The following PRH1 variants were observed in gnomAD, a reference collection of about 807,000 sequenced individuals.
The protein encoded by PRH1 is salivary acidic proline-rich phosphoprotein 1/2.
A neutral mutation model predicts 7.9 loss-of-function variants in PRH1; 7 were observed. The observed-to-expected ratio is 0.89, with a 90% CI of 0.50 to 1.67. The LOEUF (loss-of-function observed/expected upper bound fraction) is 1.67. PRH1 is among the 40% of genes most tolerant of loss of function. The pLI, the probability that PRH1 is intolerant of heterozygous loss-of-function variation, is 0.00. For missense variants in PRH1, 109 were observed against 223.6 expected (o/e 0.49, Z 3.27); for synonymous variants, 45 against 80.8 (o/e 0.56, Z 2.38).
chr12:11,070,045 G>A (rs1368617657), intron 1 of PRH1, among the ~76,000 whole-genome samples: 1 of 152,158 alleles, frequency 6.6e-6, no homozygotes, highest in East Asian at 1.9e-4. Flanking sequence ...TCAGGCATGA[G>A]TGGGGCAGAA....
At position 11,069,339 on chromosome 12, in the gene PRH1, T is replaced by A. The variant is rs1943961257; in HGVS notation, n.124-22151A>T. Among the ~76,000 whole-genome samples the A allele has an allele frequency of 2.0e-5, 3 of 152,262 alleles. No individual in the cohort carries two copies. In the South Asian group the frequency reaches 6.2e-4, roughly 32 times the overall value. On this transcript the variant is annotated intron_variant and non_coding_transcript_variant, in intron 1 of 4. Coordinates refer to the PRH1 transcript ENST00000541977. ...ATGGATAATCACCCTTACGCTTGTCTGTTAACTGATTTGGCTACATTGTCA... is the reference window on the plus strand; with the variant it reads ...ATGGATAATCACCCTTACGCTTGTCAGTTAACTGATTTGGCTACATTGTCA...
upstream of PRH1, among the ~76,000 whole-genome samples, chr12:10,884,876 A>C (rs547281776): frequency 2.6e-5 from 4 of 152,242 alleles, no homozygotes; most frequent in East Asian, 7.7e-4. Flanking sequence ...ACTTCTGTGA[A>C]TCTCACTACA....
At chr12:11,042,477 C>A in intron 1 of PRH1, among the ~76,000 whole-genome samples, 1 of 135,258 alleles carries the variant, frequency 7.4e-6, no homozygotes, top group Admixed American at 7.7e-5. Flanking sequence ...AATAAAATGT[C>A]TCCCAGTTTA....
At chr12:11,047,356 T>G (rs149357877), upstream of PRH1, among the ~76,000 whole-genome samples, 724 of 151,632 alleles carry the variant, frequency 4.8e-3, 4 homozygotes, top group Non-Finnish European at 8.2e-3. Flanking sequence ...GATCCATAGT[T>G]TATATACCCT....
chr12:11,093,384 T>G lies in PRH1; in HGVS notation n.124-46196A>C, dbSNP rs1336225773. Among the ~76,000 whole-genome samples, 2 of 115,872 alleles carry G rather than the reference T, an allele frequency of 1.7e-5. 1 individual carries two copies. Among genetic ancestry groups the G allele is most frequent in the African/African-American group, 5.8e-5 (2 of 34,554 alleles). The allele number at this position is 115,872 out of a possible 152,430, so 76.0% of individuals were successfully genotyped here. ...TTCATTATTCACAAACTCATAAATA[T>G]GCACACAAATACACACGTGCACACC... On this transcript the variant is annotated intron_variant and non_coding_transcript_variant, in intron 1 of 4. Coordinates refer to the PRH1 transcript ENST00000541977.
chr12:11,071,683 G>C (rs11560808), intron 1 of PRH1, among the ~76,000 whole-genome samples: 2 of 151,332 alleles, frequency 1.3e-5, no homozygotes, highest in Admixed American at 1.3e-4. Flanking sequence ...AGGCCAGCAA[G>C]TTGGGGCGGC....
chr12:11,007,069 A>C (rs2136032645), intron 1 of PRH1, among the ~76,000 whole-genome samples: 1 of 152,248 alleles, frequency 6.6e-6, no homozygotes, highest in South Asian at 2.1e-4. Flanking sequence ...AACCCAATAC[A>C]TATGTCATAC....
At chr12:11,120,637 G>A (rs1945870888), downstream of PRH1, among the ~76,000 whole-genome samples, 1 of 151,906 alleles carries the variant, frequency 6.6e-6, no homozygotes, top group South Asian at 2.1e-4. Context: ...ATTCTCCATT[G>A]CCTTCAGATG....
At chr12:11,051,059 T>C (rs1002658388), upstream of PRH1, among the ~76,000 whole-genome samples, 5 of 152,204 alleles carry the variant, frequency 3.3e-5, no homozygotes, top group Admixed American at 6.5e-5. Flanking sequence ...GACACAAATA[T>C]CTAATGCAGT....
At chr12:11,119,627 C>T (rs1334413410), downstream of PRH1, among the ~76,000 whole-genome samples, 1 of 151,984 alleles carries the variant, frequency 6.6e-6, no homozygotes, top group African/African-American at 2.4e-5. Context: ...ATAAGGTAAA[C>T]TAATATGCCC....
At chr12:10,917,505 T>C (rs1949989088) in intron 2 of PRH1, among the ~76,000 whole-genome samples, 1 of 152,200 alleles carries the variant, frequency 6.6e-6, no homozygotes, top group African/African-American at 2.4e-5. Context: ...ATGATTCAGC[T>C]GGCAATTTTC....
chr12:11,066,942 A>G (rs545763654), intron 1 of PRH1, among the ~76,000 whole-genome samples: 8 of 152,208 alleles, frequency 5.3e-5, no homozygotes, highest in Admixed American at 1.3e-4. Context: ...TTAGGATTCT[A>G]TTTTGGGGCT....
At chr12:10,910,090 T>C (rs1259462692) in intron 2 of PRH1, among the ~76,000 whole-genome samples, 1 of 152,142 alleles carries the variant, frequency 6.6e-6, no homozygotes, top group East Asian at 1.9e-4. Flanking sequence ...TATTACATCA[T>C]AACTTGCAAA....
chr12:11,069,806 T>A (rs1199835727), intron 1 of PRH1, among the ~76,000 whole-genome samples: 1 of 152,218 alleles, frequency 6.6e-6, no homozygotes, highest in Non-Finnish European at 1.5e-5. Flanking sequence ...CTCAACCAGT[T>A]GTCAGGACTG....
chr12:11,061,457 T>C (rs760189646), intron 1 of PRH1: 4 of 1,614,012 alleles, frequency 2.5e-6, no homozygotes, highest in Non-Finnish European at 2.5e-6. Flanking sequence ...TTTCCCCAAA[T>C]CAGGATGAAT....
intron 1 of PRH1, among the ~76,000 whole-genome samples, chr12:11,089,358 T>C (rs1944805603): frequency 8.7e-6 from 1 of 115,480 alleles, no homozygotes; most frequent in Non-Finnish European, 2.1e-5. Flanking sequence ...GCAGATACAT[T>C]CTCCCTCCTC....
At chr12:10,986,208 T>G (rs561730128) in intron 1 of PRH1, 3 of 1,614,088 alleles carry the variant, frequency 1.9e-6, no homozygotes, top group South Asian at 1.1e-5. Context: ...GGTGCTGAGA[T>G]CTTGCGATCC....
intron 2 of PRH1, among the ~76,000 whole-genome samples, chr12:10,901,763 T>A (rs1949727464): frequency 6.6e-6 from 1 of 151,768 alleles, no homozygotes; most frequent in Admixed American, 6.6e-5. Context: ...GCAAAAGACC[T>A]ACCCAGAATT....
chr12:11,137,188 C>G (rs137895119), intron 1 of PRH1, among the ~76,000 whole-genome samples: 76 of 150,828 alleles, frequency 5.0e-4, no homozygotes, highest in African/African-American at 1.7e-3. Context: ...ATCTCAACCA[C>G]AGCTCCACCA....
Sources: allele counts gnomAD v4.1 joint callset (sites outside exome capture counted in the v4.1 genomes callset), GRCh38; gene constraint gnomAD v4.1.1; transcripts MANE v1.5; gene names NCBI Gene and HGNC (gene_info 2026-07-23, HGNC 2026-07-21).